TMEM44: variants seen among roughly 807,000 people sequenced by gnomAD.
TMEM44 encodes transmembrane protein 44.
A neutral mutation model predicts 47.8 loss-of-function variants in TMEM44; 43 were observed. The observed-to-expected ratio is 0.90, with a 90% CI of 0.70 to 1.16. The LOEUF is 1.16. Among genes scored for constraint, TMEM44 ranks in the 50% most tolerant of loss-of-function variants. TMEM44 has a pLI of 0.00. For synonymous variants in TMEM44, 277 were observed against 238.8 expected (o/e 1.16, Z -1.48); for missense variants, 568 against 555.2 (o/e 1.02, Z -0.23).
At chr3:194,594,153 ATC>A (rs1553824446) in intron 9 of TMEM44, among the ~76,000 whole-genome samples, 1 of 148,284 alleles carries the variant, frequency 6.7e-6, no homozygotes, top group African/African-American at 2.5e-5. Flanking sequence ...CTATCTATCT[ATC>A]TATCTATCTA....
chr3:194,626,655 G>A (rs556028438), intron 2 of TMEM44, among the ~76,000 whole-genome samples: 99 of 151,846 alleles, frequency 6.5e-4, no homozygotes, highest in African/African-American at 2.3e-3. Flanking sequence ...ACACAAAACG[G>A]TCTGTAGTGC....
At chr3:194,604,099 C>T (rs1714479919) in intron 9 of TMEM44, among the ~76,000 whole-genome samples, 188 bp downstream of exon 9, 1 of 152,188 alleles carries the variant, frequency 6.6e-6, no homozygotes, top group Non-Finnish European at 1.5e-5. Context: ...GGTGATCCAC[C>T]TGCCTCAGGC....
rs761276252 is a variant in TMEM44, at chr3:194,623,623, C to A, written c.431G>T (p.Ser144Ile). 3 of 1,612,852 alleles carry A rather than the reference C, an allele frequency of 1.9e-6. No individual in the cohort carries two copies. Among genetic ancestry groups the A allele is most frequent in the East Asian group, 2.2e-5 (1 of 44,890 alleles). The change falls in exon 4 of 10, where the codon AGC (serine) becomes ATC (isoleucine). Residue 144 changes from serine (S) to isoleucine (I), a missense_variant. By Grantham distance (142) the Ser-to-Ile change is moderately radical. Transcript: ENST00000347147. The stretch of plus-strand genomic sequence containing the variant: ...CCACAGAGCCCAGCACGGGCCCAGG[C>A]TCAGCGGCAGGGCCAGGGCAAACAC... Reference protein sequence around the residue: ...ASVFALALPLSLGPCWALWVA... With the variant: ...ASVFALALPLILGPCWALWVA...
At chr3:194,592,001 G>A (rs984536149) in intron 9 of TMEM44, among the ~76,000 whole-genome samples, 1 of 152,112 alleles carries the variant, frequency 6.6e-6, no homozygotes, top group Non-Finnish European at 1.5e-5. Flanking sequence ...GGTGGATCAT[G>A]AGGTCAGGAG....
At chr3:194,627,412 A>G (rs1442679789) in intron 2 of TMEM44, among the ~76,000 whole-genome samples, 1 of 147,042 alleles carries the variant, frequency 6.8e-6, no homozygotes, top group Non-Finnish European at 1.5e-5. Flanking sequence ...TTTCCTGGGG[A>G]TATGTGTTTT....
At chr3:194,599,460 T>A (rs779520687) in intron 9 of TMEM44, among the ~76,000 whole-genome samples, 1 of 152,188 alleles carries the variant, frequency 6.6e-6, no homozygotes, top group South Asian at 2.1e-4. Flanking sequence ...TAGGGGGGCA[T>A]GTCAGGCCGG....
intron 1 of TMEM44, 58 bp downstream of exon 1, chr3:194,633,021 G>A: frequency 6.6e-7 from 1 of 1,526,460 alleles, no homozygotes; most frequent in Non-Finnish European, 8.8e-7. Context: ...AGAGGGAGCA[G>A]CAGGGGATTG....
chr3:194,612,810 A>G lies in TMEM44; in HGVS notation c.913-1790T>C, dbSNP rs1017164475. 1.3e-3 allele frequency among the ~76,000 whole-genome samples: 196 copies of G among 151,518 alleles called. 1 individual carries two copies. Among genetic ancestry groups the G allele is most frequent in the African/African-American group, 4.4e-3 (183 of 41,322 alleles). On this transcript the variant is annotated intron_variant, in intron 7 of 9. Coordinates refer to ENST00000347147, the MANE Select transcript of TMEM44 (RefSeq NM_001011655.3). ...CTCCCGAGTAGCTGGGACTACAGGC[A>G]CCCGCCACCGCGCCCAGCTAATTTT...
At position 194,611,443 on chromosome 3, in the gene TMEM44, G is replaced by A. The variant is rs762145117; in HGVS notation, c.913-423C>T. Reference sequence around the variant, plus strand: ...AAGATCCCCAGCTGAGCAGCGATCTGGAGTGAAGCTGTGATCCAGGCACTG... The same window carrying A: ...AAGATCCCCAGCTGAGCAGCGATCTAGAGTGAAGCTGTGATCCAGGCACTG... On this transcript the variant is annotated intron_variant, in intron 7 of 9. Transcript: ENST00000347147. This position sits in a 1 kb window ranked among gnomAD's most constrained non-coding sequence, Gnocchi z 4.2. Among the ~76,000 whole-genome samples, 7 of 152,104 alleles carry A rather than the reference G, an allele frequency of 4.6e-5. No individual in the cohort carries two copies. Among genetic ancestry groups the A allele is most frequent in the Non-Finnish European group, 1.0e-4 (7 of 68,024 alleles).
chr3:194,629,322 A>G (rs1185267369), intron 1 of TMEM44, among the ~76,000 whole-genome samples: 1 of 152,246 alleles, frequency 6.6e-6, no homozygotes, highest in Non-Finnish European at 1.5e-5. Context: ...GCCTGTGTCC[A>G]TGTTCTTTAA....
chr3:194,616,473 G>A lies in TMEM44; in HGVS notation c.783+626C>T, dbSNP rs543541316. ...GTCCCTATAAGAAAAGGAGACACAC[G>A]AAGATACACAAAGGGAAGAAGGCCA... On this transcript the variant is annotated intron_variant, in intron 6 of 9. Coordinates refer to ENST00000347147, the MANE Select transcript of TMEM44 (RefSeq NM_001011655.3). The A allele has an allele frequency of 8.2e-5, 35 of 429,068 alleles. No individual in the cohort carries two copies. In the East Asian group the frequency reaches 1.1e-3, roughly 14 times the overall value. The allele number at this position is 429,068 out of a possible 1,614,324, so 26.6% of individuals were successfully genotyped here. A position where few individuals can be genotyped will look rare whatever the true frequency, so the allele number is the denominator to read the frequency against.
At chr3:194,593,198 G>A in intron 9 of TMEM44, 1 of 935,040 alleles carries the variant, frequency 1.1e-6, no homozygotes, top group South Asian at 1.3e-5. Context: ...TTAGATGGTT[G>A]GGGGCAAAGG....
At chr3:194,612,964 C>A (rs1339166136) in intron 7 of TMEM44, among the ~76,000 whole-genome samples, 1 of 152,172 alleles carries the variant, frequency 6.6e-6, no homozygotes, top group Non-Finnish European at 1.5e-5. Flanking sequence ...TATTCAAGTC[C>A]TTACAAGCTT....
chr3:194,617,840 G>C (rs1417274917), intron 5 of TMEM44: 1 of 677,080 alleles, frequency 1.5e-6, no homozygotes, highest in South Asian at 1.6e-5. Flanking sequence ...CATACCCTGG[G>C]TGCTGTCCTC....
At position 194,597,750 on chromosome 3, in the gene TMEM44, C is replaced by T. The variant is rs528700136; in HGVS notation, c.1176+6537G>A. On this transcript the variant is annotated intron_variant, in intron 9 of 9. Coordinates refer to ENST00000347147, the MANE Select transcript of TMEM44 (RefSeq NM_001011655.3). Reference sequence around the variant, plus strand: ...GCATACGTGTTTGGTCCCGTCCCTGCTGTCACACATACCCCTGACCCATTT... The same window carrying T: ...GCATACGTGTTTGGTCCCGTCCCTGTTGTCACACATACCCCTGACCCATTT... 4.6e-5 allele frequency among the ~76,000 whole-genome samples: 7 copies of T among 152,280 alleles called. No individual in the cohort carries two copies. In the East Asian group the frequency reaches 1.3e-3, roughly 29 times the overall value.
chr3:194,596,372 C>G (rs1232384259), intron 9 of TMEM44, among the ~76,000 whole-genome samples: 1 of 152,178 alleles, frequency 6.6e-6, no homozygotes, highest in Admixed American at 6.6e-5. Flanking sequence ...ACTAAGAGTA[C>G]AGAAGTTTTC....
At chr3:194,615,756 TCACCCCTCCACACCATGCTGC>T in intron 6 of TMEM44, 59 bp from the exon 7 acceptor site, 1 of 1,593,894 alleles carries the variant, frequency 6.3e-7, no homozygotes. Context: ...GCGTGGCCCT[TCACCCCTCCACACCATGCTGC>T]CACCCCCCTC....
intron 9 of TMEM44, among the ~76,000 whole-genome samples, chr3:194,592,603 C>T (rs1419833185): frequency 6.6e-6 from 1 of 152,050 alleles, no homozygotes; most frequent in Non-Finnish European, 1.5e-5. Flanking sequence ...CATCCTCAGT[C>T]TTGCCTCTCA....
Position 194,617,151 on chromosome 3 carries a change from C to A in TMEM44, c.731G>T (p.Arg244Leu). 6.4e-7 allele frequency: 1 copy of A among 1,558,846 alleles called. No homozygotes were observed. Among genetic ancestry groups the A allele is most frequent in the East Asian group, 2.4e-5 (1 of 41,642 alleles). Reference sequence around the variant, plus strand: ...GGAGGTCAGGAACCAGGGTGTGGCCCGCAGCAGGTACTCAGGGTGCTGGTC... The same window carrying A: ...GGAGGTCAGGAACCAGGGTGTGGCCAGCAGCAGGTACTCAGGGTGCTGGTC... ...AHDQHPEYLL[R>L]ATPWFLTSLG... is the part of the protein sequence containing the mutation. The change falls in exon 6 of 10, where the codon CGG becomes CTG. Residue 244 changes from arginine to leucine, a missense_variant. Coordinates refer to ENST00000347147, the MANE Select transcript of TMEM44 (RefSeq NM_001011655.3).
Sources: allele counts gnomAD v4.1 joint callset (sites outside exome capture counted in the v4.1 genomes callset), GRCh38; gene constraint gnomAD v4.1.1; non-coding constraint Gnocchi (gnomAD v3.1); transcripts MANE v1.5; gene names NCBI Gene and HGNC (gene_info 2026-07-23, HGNC 2026-07-21).